Variants in GANC observed in about 807,000 individuals in gnomAD.
GANC encodes glucosidase alpha, neutral C.
A neutral mutation model predicts 124.2 loss-of-function variants in GANC; 117 were observed. The observed-to-expected ratio is 0.94, with a 90% CI of 0.81 to 1.10. GANC has a LOEUF of 1.10. Among genes scored for constraint, GANC ranks in the 50% least tolerant of loss-of-function variants. The pLI is 0.00. For synonymous variants in GANC, 377 were observed against 376.8 expected, an observed-to-expected ratio of 1.00 and a Z score of -0.01; for missense variants, 1,140 against 1,095.0, an observed-to-expected ratio of 1.04 and a Z score of -0.58.
chr15:42,351,264 G>A, intron 22 of GANC, 65 bp from the exon 23 acceptor site: 1 of 1,101,010 alleles, frequency 9.1e-7, no homozygotes, highest in Non-Finnish European at 1.4e-6. Flanking sequence ...GGCTGGAGAT[G>A]TTGAGCTGGT....
intron 10 of GANC, among the ~76,000 whole-genome samples, chr15:42,320,503 C>T (rs3098422): frequency 0.91 from 138,406 of 152,144 alleles, 64,317 homozygotes; most frequent in Non-Finnish European, 1. Flanking sequence ...GGCTGGAGTA[C>T]AGTGGTGCAA....
At chr15:42,332,521 T>C (rs2052253794) in intron 15 of GANC, among the ~76,000 whole-genome samples, 2 of 152,198 alleles carry the variant, frequency 1.3e-5, no homozygotes, top group African/African-American at 4.8e-5. Context: ...TTAAGTCATA[T>C]GCGATGATCA....
chr15:42,321,821 A>G lies in GANC; in HGVS notation c.1094A>G (p.Tyr365Cys). The change falls in exon 11 of 24, where the codon TAC (tyrosine) becomes TGC (cysteine). Residue 365 changes from tyrosine to cysteine, a missense_variant. Tyr to Cys is a radical substitution (Grantham distance 194). Coordinates refer to ENST00000318010, the MANE Select transcript of GANC (RefSeq NM_198141.3). Reference protein sequence around the residue: ...QAMPPLFSLGYHQCRWNYEDE... With the variant: ...QAMPPLFSLGCHQCRWNYEDE... The stretch of plus-strand genomic sequence containing the variant: ...ATGCCCCCTCTTTTCTCTTTGGGAT[A>G]CCACCAGTGCCGCTGGAACTATGAA... The G allele has an allele frequency of 6.2e-7, 1 of 1,614,194 alleles. No homozygotes were observed. Among genetic ancestry groups the G allele is most frequent in the Middle Eastern group, 1.6e-4 (1 of 6,062 alleles).
intron 8 of GANC, among the ~76,000 whole-genome samples, chr15:42,309,153 A>G (rs1433382072): frequency 2.6e-5 from 4 of 152,174 alleles, no homozygotes; most frequent in African/African-American, 4.8e-5. Context: ...AAAGAGAAAC[A>G]GAGTCTGATA....
Position 42,297,599 on chromosome 15 carries a change from A to G in GANC, c.513-12A>G, listed in dbSNP as rs2051903471. On this transcript the variant is annotated splice_polypyrimidine_tract_variant and intron_variant, in intron 5 of 23. Transcript: ENST00000318010. ...GCCATTGAGTGAAACAACTTTATTT[A>G]CGTTAAAACAGAGCTGCTAAAGAAA... 6.2e-7 allele frequency: 1 copy of G among 1,608,360 alleles called. No individual in the cohort carries two copies. The highest frequency in any genetic ancestry group is 8.5e-7 in the Non-Finnish European group (1 of 1,176,330).
intron 4 of GANC, among the ~76,000 whole-genome samples, chr15:42,288,531 T>G (rs1464450810): frequency 1.3e-5 from 2 of 152,216 alleles, no homozygotes; most frequent in African/African-American, 2.4e-5. Flanking sequence ...TACTGTAGTT[T>G]TATGTAGATT....
intron 11 of GANC, among the ~76,000 whole-genome samples, chr15:42,324,711 G>A (rs764282373): frequency 1.3e-5 from 2 of 152,130 alleles, no homozygotes; most frequent in Admixed American, 6.5e-5. Context: ...GACAAATACC[G>A]TGTGATTCCA....
rs535179456 is a variant in GANC at position 42,285,396 on chromosome 15, A to AAAAG, written c.202-2275_202-2272dup. Among the ~76,000 whole-genome samples the AAAAG allele has an allele frequency of 2.4e-3, 359 of 152,272 alleles. 1 individual carries two copies. Among genetic ancestry groups the AAAAG allele is most frequent in the African/African-American group, 7.6e-3 (314 of 41,538 alleles). On this transcript the variant is annotated intron_variant, in intron 3 of 23. Coordinates refer to ENST00000318010, the MANE Select transcript of GANC (RefSeq NM_198141.3). Reference sequence around the variant, plus strand: ...GACTTCTGGGAGTCTGCTGATATTTAAAAGAAAGAAAGAAAGAAAGAAAAA... The same window carrying AAAAG: ...GACTTCTGGGAGTCTGCTGATATTTAAAAGAAAGAAAGAAAGAAAGAAAGAAAAA...
At chr15:42,290,406 G>A (rs546331389) in intron 4 of GANC, among the ~76,000 whole-genome samples, 1 of 152,330 alleles carries the variant, frequency 6.6e-6, no homozygotes, top group Admixed American at 6.5e-5. Flanking sequence ...TTCTGTAGCT[G>A]CAGGTACATA....
At chr15:42,279,155 C>T (rs1194371133) in intron 3 of GANC, among the ~76,000 whole-genome samples, 1 of 152,170 alleles carries the variant, frequency 6.6e-6, no homozygotes, top group Non-Finnish European at 1.5e-5. Context: ...GTCTTCGTAA[C>T]ACATCTAAGA....
intron 5 of GANC, among the ~76,000 whole-genome samples, chr15:42,294,072 CT>C (rs1353842725): frequency 6.6e-6 from 1 of 150,896 alleles, no homozygotes; most frequent in African/African-American, 2.5e-5. Flanking sequence ...ACAAAAAACG[CT>C]TTTTTTTCTT....
intron 7 of GANC, among the ~76,000 whole-genome samples, chr15:42,307,337 C>CTTTT (rs11437522): frequency 1.5e-5 from 2 of 135,044 alleles, no homozygotes; most frequent in African/African-American, 2.8e-5. Flanking sequence ...ATCTTTTTAT[C>CTTTT]TTTTTTTTTT....
intron 19 of GANC, among the ~76,000 whole-genome samples, chr15:42,344,309 C>G (rs921839980): frequency 5.3e-5 from 8 of 152,186 alleles, no homozygotes; most frequent in African/African-American, 1.9e-4. Flanking sequence ...ATGCCTCCCT[C>G]TTAGCTTCTG....
chr15:42,314,538 A>G (rs2052086279), intron 10 of GANC: 1 of 231,426 alleles, frequency 4.3e-6, no homozygotes, highest in African/African-American at 2.3e-5. Flanking sequence ...AATTTAGTAA[A>G]ATGAAAGAAT....
chr15:42,283,493 C>T, intron 3 of GANC: 1 of 618,034 alleles, frequency 1.6e-6, no homozygotes, highest in Non-Finnish European at 2.9e-6. Context: ...TCTTGTGAGT[C>T]TAGCTTAAAT....
chr15:42,282,762 C>G (rs1205324137), intron 3 of GANC, among the ~76,000 whole-genome samples: 1 of 152,168 alleles, frequency 6.6e-6, no homozygotes, highest in Non-Finnish European at 1.5e-5. Flanking sequence ...GCTGCCATAA[C>G]CAAATATCAC....
At chr15:42,297,552 T>C (rs1007787370) in intron 5 of GANC, 59 bp from the exon 6 acceptor site, 1 of 1,324,028 alleles carries the variant, frequency 7.6e-7, no homozygotes, top group African/African-American at 1.5e-5. Context: ...TCTTTATCAT[T>C]GAACAAAATT....
intron 9 of GANC, 81 bp from the exon 10 acceptor site, chr15:42,310,612 G>T: frequency 6.5e-7 from 1 of 1,539,754 alleles, no homozygotes; most frequent in South Asian, 1.2e-5. Flanking sequence ...TCTACTAAAG[G>T]ATCAGACTGT....
intron 6 of GANC, among the ~76,000 whole-genome samples, chr15:42,305,241 A>G (rs1366300062): frequency 1.3e-5 from 2 of 152,198 alleles, no homozygotes; most frequent in Non-Finnish European, 2.9e-5. Context: ...CAGAATCTAC[A>G]AGGAACTTAA....
Sources: gnomAD v4.1 joint callset for allele counts (sites outside exome capture counted in the v4.1 genomes callset) on GRCh38, gnomAD v4.1.1 for gene constraint, MANE v1.5 for transcripts, NCBI Gene and HGNC (gene_info 2026-07-23, HGNC 2026-07-21) for gene names.